Variants in DCC observed in about 807,000 individuals in gnomAD.
The protein encoded by DCC is DCC netrin 1 receptor, also known as netrin receptor DCC.
DCC carries 58 observed loss-of-function variants against 172.5 expected under a neutral mutation model. The ratio of observed to expected loss-of-function variants is 0.34; its 90% CI spans 0.27 to 0.42. The LOEUF is 0.42. DCC is among the 10% of genes least tolerant of loss of function. The probability of loss-of-function intolerance (pLI) is 1.00; values close to 1 mark genes in which losing one functional copy is unlikely to be tolerated. For synonymous variants in DCC, 709 were observed against 644.5 expected, an observed-to-expected ratio of 1.10 and a Z score of -1.52; for missense variants, 1,740 against 1,791.0, an observed-to-expected ratio of 0.97 and a Z score of 0.51.
At chr18:53,380,949 C>T (rs2144980687) in intron 15 of DCC, among the ~76,000 whole-genome samples, 1 of 152,242 alleles carries the variant, frequency 6.6e-6, no homozygotes, top group Non-Finnish European at 1.5e-5. Flanking sequence ...TAGTATAATT[C>T]ATTAATCCAA....
chr18:52,926,999 A>G (rs2040217320), intron 5 of DCC, among the ~76,000 whole-genome samples: 1 of 136,748 alleles, frequency 7.3e-6, no homozygotes, highest in African/African-American at 2.6e-5. Flanking sequence ...ATATTTTGTA[A>G]TTTACACAAT....
At chr18:53,185,149 A>G (rs2055260090) in intron 9 of DCC, among the ~76,000 whole-genome samples, 1 of 152,186 alleles carries the variant, frequency 6.6e-6, no homozygotes, top group African/African-American at 2.4e-5. Flanking sequence ...CAGGTGTTAT[A>G]AATAAGAGAT....
intron 1 of DCC, among the ~76,000 whole-genome samples, chr18:52,748,475 CG>C (rs2036944227): frequency 6.6e-6 from 1 of 152,188 alleles, no homozygotes; most frequent in African/African-American, 2.4e-5. Context: ...GCACAGTGAA[CG>C]GGGCAAGGGG....
chr18:52,347,928 A>G (rs1455365006), intron 1 of DCC, among the ~76,000 whole-genome samples: 2 of 152,138 alleles, frequency 1.3e-5, no homozygotes, highest in African/African-American at 4.8e-5. Flanking sequence ...GATAACAATA[A>G]TAATAATGTA....
At chr18:52,377,674 C>CAT (rs1985406356) in intron 1 of DCC, among the ~76,000 whole-genome samples, 1 of 141,448 alleles carries the variant, frequency 7.1e-6, no homozygotes, top group Non-Finnish European at 1.5e-5. Context: ...AACAAAACAA[C>CAT]AGAAAAAAAA....
rs1288385738 is a variant in DCC at position 52,986,869 on chromosome 18, T to C, written c.985+61499T>C. ...ACACACACACACACAAACAGACATA[T>C]ATATGCGCAGTGGTGTGATCTCAGC... is the stretch of plus-strand genomic sequence containing the variant. On this transcript the variant is annotated intron_variant, in intron 5 of 28. Transcript: ENST00000442544. Among the ~76,000 whole-genome samples the C allele has an allele frequency of 2.7e-5, 4 of 150,056 alleles. No individual in the cohort carries two copies. In the Admixed American group the frequency reaches 2.7e-4, roughly 10 times the overall value.
At chr18:52,419,414 G>A (rs1034923044) in intron 1 of DCC, 1 of 152,152 alleles carries the variant, frequency 6.6e-6, no homozygotes, top group African/African-American at 2.4e-5. Context: ...TTCATCCAGT[G>A]TCACTGAGGA....
chr18:53,497,836 T>TAAGA (rs2144433223), intron 26 of DCC, among the ~76,000 whole-genome samples: 1 of 152,332 alleles, frequency 6.6e-6, no homozygotes, highest in South Asian at 2.1e-4. Context: ...TCTTCTTTGG[T>TAAGA]AAGAAAGATT....
intron 2 of DCC, among the ~76,000 whole-genome samples, chr18:52,882,522 T>C (rs1019319016): frequency 2.0e-5 from 3 of 152,104 alleles, no homozygotes; most frequent in Non-Finnish European, 4.4e-5. Flanking sequence ...TTCAATTTTC[T>C]TCTTGATTCA....
intron 15 of DCC, among the ~76,000 whole-genome samples, chr18:53,353,860 G>C (rs2057842723): frequency 6.6e-6 from 1 of 152,038 alleles, no homozygotes; most frequent in African/African-American, 2.4e-5. Flanking sequence ...ATGTTGGTGT[G>C]CTGCACCCAT....
chr18:53,001,035 G>A (rs747060407), intron 5 of DCC, among the ~76,000 whole-genome samples: 3 of 151,778 alleles, frequency 2.0e-5, no homozygotes, highest in Non-Finnish European at 4.4e-5. Context: ...CAAGTTGGTC[G>A]GTAGCTTGAA....
chr18:52,990,538 CCCAAAA>C (rs1356608275), intron 5 of DCC, among the ~76,000 whole-genome samples: 6 of 76,264 alleles, frequency 7.9e-5, no homozygotes, highest in South Asian at 5.2e-4. Flanking sequence ...AAAACTCCAT[CCCAAAA>C]AAAAAAAAAA....
intron 7 of DCC, among the ~76,000 whole-genome samples, chr18:53,078,814 T>C (rs2042759012): frequency 6.6e-6 from 1 of 152,106 alleles, no homozygotes; most frequent in African/African-American, 2.4e-5. Flanking sequence ...TAGATGATCG[T>C]CTATGATGAA....
intron 12 of DCC, among the ~76,000 whole-genome samples, chr18:53,227,111 C>T (rs1334245520): frequency 1.3e-5 from 2 of 150,464 alleles, no homozygotes; most frequent in African/African-American, 4.9e-5. Context: ...ACCACCCTAG[C>T]TAATTTTTTG....
At chr18:53,403,188 G>T (rs1909437393) in intron 19 of DCC, among the ~76,000 whole-genome samples, 1 of 151,856 alleles carries the variant, frequency 6.6e-6, no homozygotes, top group Non-Finnish European at 1.5e-5. Context: ...TTCATTCTCT[G>T]AAGCATTAAG....
intron 1 of DCC, among the ~76,000 whole-genome samples, chr18:52,504,962 CA>C (rs1239022273): frequency 6.6e-6 from 1 of 152,102 alleles, no homozygotes. Flanking sequence ...TTGTATATTT[CA>C]AAAAACATTT....
chr18:53,526,855 A>AGGCCACCCCG (rs1162664344), intron 28 of DCC, 96 bp downstream of exon 28: 1 of 1,020,102 alleles, frequency 9.8e-7, no homozygotes, highest in Admixed American at 1.8e-5. Context: ...CATTCACCCC[A>AGGCCACCCCG]GGCCACCCCA....
intron 12 of DCC, among the ~76,000 whole-genome samples, chr18:53,301,000 T>TTTCTTTCTTTCC (rs1413588962): frequency 9.7e-6 from 1 of 102,988 alleles, no homozygotes; most frequent in Admixed American, 1.1e-4. Context: ...TTTTTTTTTC[T>TTTCTTTCTTTCC]TTTCTTTCTT....
At chr18:53,109,204 C>T (rs1371664713) in intron 7 of DCC, among the ~76,000 whole-genome samples, 1 of 151,232 alleles carries the variant, frequency 6.6e-6, no homozygotes, top group East Asian at 2.0e-4. Flanking sequence ...TTGTGAAATG[C>T]CTACTCAGGT....
Sources: gnomAD v4.1 joint callset for allele counts (sites outside exome capture counted in the v4.1 genomes callset) on GRCh38, gnomAD v4.1.1 for gene constraint, MANE v1.5 for transcripts, NCBI Gene and HGNC (gene_info 2026-07-23, HGNC 2026-07-21) for gene names.